Variants in NUP188 observed in about 807,000 individuals in gnomAD.
NUP188 encodes nucleoporin NUP188.
In NUP188, 97 loss-of-function variants were observed where a neutral mutation model predicts 223.0. That is an observed-to-expected ratio of 0.43 (90% CI 0.37 to 0.51). The LOEUF is 0.51. Ranked by LOEUF, NUP188 falls within the 20% of genes least tolerant of loss-of-function variation. The probability of loss-of-function intolerance (pLI) is 0.00; values close to 1 mark genes in which losing one functional copy is unlikely to be tolerated. For missense variants in NUP188, 1,947 were observed against 2,175.6 expected (o/e 0.89, Z 2.09); for synonymous variants, 869 against 828.0 (o/e 1.05, Z -0.85).
intron 34 of NUP188, among the ~76,000 whole-genome samples, chr9:129,000,491 TG>T (rs1329266018): frequency 2.0e-5 from 3 of 151,598 alleles, no homozygotes; most frequent in Non-Finnish European, 4.4e-5. Flanking sequence ...GCTAACTTTT[TG>T]TATTTTTCAT....
chr9:128,979,776 G>A (rs144492453), intron 13 of NUP188, among the ~76,000 whole-genome samples: 83 of 152,306 alleles, frequency 5.4e-4, no homozygotes, highest in African/African-American at 1.7e-3. Flanking sequence ...GGGATTACAG[G>A]CGCCCGCCAC....
At chr9:128,956,210 T>TGCGCGTGTGTGTGC (rs144622509) in intron 3 of NUP188, 140 bp from the exon 4 acceptor site, 1 of 433,782 alleles carries the variant, frequency 2.3e-6, no homozygotes, top group Non-Finnish European at 4.1e-6. Context: ...TGTGTGTGTG[T>TGCGCGTGTGTGTGC]GCGTGTGTGT....
chr9:128,965,168 A>AT (rs1174870402), intron 8 of NUP188, among the ~76,000 whole-genome samples: 1 of 152,022 alleles, frequency 6.6e-6, no homozygotes, highest in South Asian at 2.1e-4. Context: ...ATTGATTAAA[A>AT]TTTTTTTATC....
chr9:128,960,506 C>G (rs1333624395), intron 8 of NUP188, among the ~76,000 whole-genome samples: 3 of 152,070 alleles, frequency 2.0e-5, no homozygotes, highest in African/African-American at 7.2e-5. Flanking sequence ...TGAAAAGGGC[C>G]TATTTATACA....
intron 3 of NUP188, 153 bp downstream of exon 3, chr9:128,952,999 T>C (rs925086664): frequency 1.7e-6 from 1 of 594,294 alleles, no homozygotes; most frequent in Admixed American, 3.3e-5. Flanking sequence ...TAGGGTACAT[T>C]TGTTTTTTTG....
Position 128,988,090 on chromosome 9 carries a change from A to C in NUP188, c.2437A>C (p.Thr813Pro), listed in dbSNP as rs773630128. 15 of 1,614,204 alleles carry C rather than the reference A, an allele frequency of 9.3e-6. No homozygotes were observed. Among genetic ancestry groups the C allele is most frequent in the Non-Finnish European group, 1.3e-5 (15 of 1,180,014 alleles). Reference sequence around the variant, plus strand: ...GGGGCAGGGCCAGCTGCTGATCAAGACAGTGAAACTGGCATTCTCCGTCAC... The same window carrying C: ...GGGGCAGGGCCAGCTGCTGATCAAGCCAGTGAAACTGGCATTCTCCGTCAC... ...GQGQGQLLIKTVKLAFSVTNN... is the reference protein window; with the variant it reads ...GQGQGQLLIKPVKLAFSVTNN... Residue 813 changes from threonine (T) to proline (P), a missense_variant, in exon 24 of 44, where the codon ACA becomes CCA. Thr to Pro is a conservative substitution (Grantham distance 38, BLOSUM62 -1). Around this residue, in one of 3 missense-constraint regions of NUP188, gnomAD observed 225 missense variants for 319.1 expected, o/e 0.71. Transcript: ENST00000372577.
rs779161193 is a variant in NUP188, at chr9:128,988,199, C to G, written c.2533+13C>G. The G allele has an allele frequency of 1.2e-6, 2 of 1,613,724 alleles. No individual in the cohort carries two copies. Among genetic ancestry groups the G allele is most frequent in the Admixed American group, 3.3e-5 (2 of 59,962 alleles). On this transcript the variant is annotated intron_variant, in intron 24 of 43. Transcript: ENST00000372577. ...CTCTCACAACATGGTATGTATTTCT[C>G]TTCCAGTCACAACATGGTATGTATT... is the stretch of plus-strand genomic sequence containing the variant.
At chr9:128,960,576 A>G (rs1204066895) in intron 8 of NUP188, among the ~76,000 whole-genome samples, 5 of 152,200 alleles carry the variant, frequency 3.3e-5, no homozygotes, top group Non-Finnish European at 7.3e-5. Context: ...ATAAAAGCAT[A>G]AAATTCCCAG....
At chr9:128,976,685 G>A (rs2131161105) in intron 12 of NUP188, among the ~76,000 whole-genome samples, 1 of 149,574 alleles carries the variant, frequency 6.7e-6, no homozygotes, top group East Asian at 2.0e-4. Flanking sequence ...AAAAAAAAAA[G>A]ACTCAATTTC....
intron 9 of NUP188, 38 bp from the exon 10 acceptor site, chr9:128,969,362 C>T (rs550326172): frequency 3.4e-5 from 43 of 1,276,228 alleles, no homozygotes; most frequent in Admixed American, 3.0e-4. Context: ...AGTTTCAGAA[C>T]GGGATATATA....
intron 2 of NUP188, 25 bp from the exon 3 acceptor site, chr9:128,952,747 TG>T: frequency 2.5e-6 from 4 of 1,600,118 alleles, no homozygotes; most frequent in Non-Finnish European, 3.4e-6. Context: ...ATACTGCATT[TG>T]TATAATTACC....
Position 128,979,272 on chromosome 9 carries a change from A to G in NUP188, c.1214A>G (p.Asp405Gly), listed in dbSNP as rs770800954. The G allele has an allele frequency of 7.4e-6, 12 of 1,611,480 alleles. No homozygotes were observed. In the Admixed American group the frequency reaches 8.3e-5, roughly 11 times the overall value. The change falls in exon 13 of 44, where the codon GAT becomes GGT. Residue 405 changes from aspartate to glycine, a missense_variant. Coordinates refer to ENST00000372577, the MANE Select transcript of NUP188 (RefSeq NM_015354.3). ...HTLGNQQDII[D>G]TACEVLADPS... The stretch of plus-strand genomic sequence containing the variant: ...CCCTTCCTCAAACAGGATATAATTG[A>G]TACAGCATGTGAAGTATTGGCCGAC...
In NUP188 at chr9:128,968,773, T is replaced by C. The variant is rs1385198744; in HGVS notation, c.797+56T>C. 17 of 1,335,148 alleles carry C rather than the reference T, an allele frequency of 1.3e-5. No homozygotes were observed. In the South Asian group the frequency reaches 1.4e-4, roughly 11 times the overall value. 82.7% of individuals were successfully genotyped at this position (1,335,148 alleles called of 1,614,324 possible). ...TGCAGTGTTTAGAGCATTGATACTA[T>C]AGTGGTATGTAAGCAGGTAGGGGGT... On this transcript the variant is annotated intron_variant, in intron 9 of 43. Coordinates refer to ENST00000372577, the MANE Select transcript of NUP188 (RefSeq NM_015354.3).
intron 3 of NUP188, among the ~76,000 whole-genome samples, chr9:128,956,116 C>CT (rs923240795): frequency 3.1e-4 from 46 of 149,036 alleles, no homozygotes; most frequent in African/African-American, 8.9e-4. Context: ...AATTTAACCA[C>CT]TTTTTTTTTG....
intron 2 of NUP188, among the ~76,000 whole-genome samples, chr9:128,951,600 A>G (rs578130375): frequency 2.0e-5 from 3 of 152,334 alleles, no homozygotes; most frequent in East Asian, 3.8e-4. Context: ...ACTTGATACA[A>G]GTATTATGCA....
chr9:128,998,339 C>T, intron 31 of NUP188, 111 bp downstream of exon 31: 1 of 1,117,906 alleles, frequency 8.9e-7, no homozygotes, highest in Non-Finnish European at 1.4e-6. Context: ...GGTCACAGGG[C>T]TCACGTTGGC....
intron 8 of NUP188, among the ~76,000 whole-genome samples, chr9:128,959,376 A>C (rs1245591185): frequency 6.6e-6 from 1 of 151,906 alleles, no homozygotes; most frequent in Non-Finnish European, 1.5e-5. Context: ...TCCTGACCTC[A>C]GGTGATCCGC....
chr9:129,000,402 T>C (rs1842621413), intron 34 of NUP188, among the ~76,000 whole-genome samples: 1 of 152,268 alleles, frequency 6.6e-6, no homozygotes, highest in Admixed American at 6.5e-5. Context: ...CACTGCAAGC[T>C]CTGCTTCCCA....
intron 2 of NUP188, among the ~76,000 whole-genome samples, chr9:128,949,735 T>A (rs553439053): frequency 4.6e-5 from 7 of 152,064 alleles, no homozygotes; most frequent in Admixed American, 1.3e-4. Context: ...TTCAAGCGAT[T>A]TTCCTGCCAC....
Sources: allele counts gnomAD v4.1 joint callset (sites outside exome capture counted in the v4.1 genomes callset), GRCh38; gene constraint gnomAD v4.1.1; regional missense constraint gnomAD v4.1.1; transcripts MANE v1.5; gene names NCBI Gene and HGNC (gene_info 2026-07-23, HGNC 2026-07-21).